The following DNM3 variants were observed in gnomAD, a reference collection of about 807,000 sequenced individuals.
The protein encoded by DNM3 is dynamin 3.
A neutral mutation model predicts 101.6 loss-of-function variants in DNM3; 47 were observed. That is an observed-to-expected ratio of 0.46 (90% CI 0.37 to 0.59). The LOEUF is 0.59. Ranked by LOEUF, DNM3 falls within the 20% of genes least tolerant of loss-of-function variation. The pLI is 0.00. For synonymous variants in DNM3, 385 were observed against 387.9 expected (o/e 0.99, Z 0.09); for missense variants, 849 against 1,085.7 (o/e 0.78, Z 3.06).
chr1:172,252,522 T>A (rs2062214057), intron 14 of DNM3, among the ~76,000 whole-genome samples: 1 of 152,138 alleles, frequency 6.6e-6, no homozygotes, highest in African/African-American at 2.4e-5. Flanking sequence ...TTATTAAAAG[T>A]TATGACTAAG....
intron 4 of DNM3, among the ~76,000 whole-genome samples, chr1:171,996,148 C>T (rs915615702): frequency 3.9e-5 from 6 of 152,004 alleles, no homozygotes; most frequent in African/African-American, 1.4e-4. Context: ...TAGAATGTCA[C>T]AAATTTGTGG....
intron 10 of DNM3, among the ~76,000 whole-genome samples, chr1:172,068,366 T>C (rs2051868919): frequency 1.3e-5 from 2 of 151,932 alleles, no homozygotes; most frequent in South Asian, 4.2e-4. Flanking sequence ...AGAAATGAGG[T>C]TAATAATTAT....
intron 14 of DNM3, among the ~76,000 whole-genome samples, chr1:172,242,582 A>G (rs1184915404): frequency 6.6e-6 from 1 of 152,156 alleles, no homozygotes; most frequent in Non-Finnish European, 1.5e-5. Context: ...ATCTGGAATC[A>G]TAGGCGCCAC....
intron 2 of DNM3, among the ~76,000 whole-genome samples, chr1:171,927,340 G>A (rs2040656851): frequency 1.3e-5 from 2 of 152,056 alleles, no homozygotes; most frequent in South Asian, 2.1e-4. Context: ...CATCATCCAG[G>A]TTTTAAGTCC....
chr1:172,214,503 A>G (rs2060624470), intron 14 of DNM3, among the ~76,000 whole-genome samples: 1 of 123,836 alleles, frequency 8.1e-6, no homozygotes, highest in East Asian at 2.1e-4. Flanking sequence ...ATATACACAT[A>G]CACACACCTC....
At chr1:171,872,508 A>T (rs1202347304) in intron 1 of DNM3, among the ~76,000 whole-genome samples, 2 of 152,182 alleles carry the variant, frequency 1.3e-5, no homozygotes, top group Non-Finnish European at 2.9e-5. Context: ...AGGAATGAAT[A>T]AGCTATTCTT....
intron 13 of DNM3, among the ~76,000 whole-genome samples, chr1:172,127,457 G>A (rs1010225824): frequency 6.6e-6 from 1 of 150,406 alleles, no homozygotes; most frequent in Non-Finnish European, 1.5e-5. Flanking sequence ...TGCCCAGGCG[G>A]GAGTACAGTG....
At chr1:172,394,807 T>C (rs1014570515) in intron 20 of DNM3, among the ~76,000 whole-genome samples, 10 of 152,112 alleles carry the variant, frequency 6.6e-5, no homozygotes, top group Non-Finnish European at 1.3e-4. Flanking sequence ...CAGTAGCAAA[T>C]TGTCACCAGT....
chr1:172,094,395 T>C (rs2054110793), intron 13 of DNM3, among the ~76,000 whole-genome samples: 1 of 152,194 alleles, frequency 6.6e-6, no homozygotes, highest in African/African-American at 2.4e-5. Context: ...AGGCTTATTC[T>C]TCCAACTATG....
intron 17 of DNM3, among the ~76,000 whole-genome samples, chr1:172,364,109 T>A (rs1193641590): frequency 1.3e-5 from 2 of 151,962 alleles, no homozygotes; most frequent in South Asian, 2.1e-4. Context: ...AGGGTAAACT[T>A]CTTAGGTGCA....
At chr1:172,281,964 C>T (rs754203406) in intron 15 of DNM3, among the ~76,000 whole-genome samples, 1 of 152,106 alleles carries the variant, frequency 6.6e-6, no homozygotes, top group Non-Finnish European at 1.5e-5. Context: ...AATTTTTGGT[C>T]CTCCCAATTC....
At chr1:171,915,807 A>G (rs190420560) in intron 1 of DNM3, among the ~76,000 whole-genome samples, 1 of 152,226 alleles carries the variant, frequency 6.6e-6, no homozygotes, top group East Asian at 1.9e-4. Context: ...GGTTAATGTG[A>G]TTTTGAGTTC....
intron 15 of DNM3, among the ~76,000 whole-genome samples, chr1:172,293,549 C>A (rs1399784460): frequency 1.3e-5 from 2 of 152,146 alleles, no homozygotes; most frequent in African/African-American, 4.8e-5. Flanking sequence ...GTACAAATTG[C>A]TGTGGGTTAT....
chr1:172,253,680 A>G lies in DNM3; in HGVS notation c.1767A>G (p.Gln589=). 1 of 1,553,328 alleles carries G rather than the reference A, an allele frequency of 6.4e-7. No individual in the cohort carries two copies. The highest frequency in any genetic ancestry group is 1.2e-5 in the South Asian group (1 of 81,368). The change falls in exon 15 of 21, where the codon CAA becomes CAG. Residue 589 remains glutamine (Q), a splice_region_variant and synonymous_variant. Coordinates refer to ENST00000627582, the MANE Select transcript of DNM3 (RefSeq NM_015569.5). Reference sequence around the variant, plus strand: ...TCTTTGCACTCTTTAATACAGAGCAAAGGTAAGAAATTGAAACAGTTCCTG... The same window carrying G: ...TCTTTGCACTCTTTAATACAGAGCAGAGGTAAGAAATTGAAACAGTTCCTG... The part of the protein sequence containing the change: ...KHIFALFNTE[Q]RNVYKDYRFL...
chr1:172,194,823 A>C (rs1032533405), intron 14 of DNM3, among the ~76,000 whole-genome samples: 4 of 152,068 alleles, frequency 2.6e-5, no homozygotes, highest in Non-Finnish European at 4.4e-5. Flanking sequence ...CCAATTTGCC[A>C]GTCTTTGTCT....
chr1:172,244,046 T>G (rs1279413859), intron 14 of DNM3, among the ~76,000 whole-genome samples: 2 of 152,062 alleles, frequency 1.3e-5, no homozygotes, highest in Non-Finnish European at 2.9e-5. Flanking sequence ...CCCCAGAGTG[T>G]GATATTCCCC....
At chr1:171,868,263 G>A (rs991236551) in intron 1 of DNM3, among the ~76,000 whole-genome samples, 2 of 151,912 alleles carry the variant, frequency 1.3e-5, no homozygotes, top group Admixed American at 1.3e-4. Context: ...AATCAGTTTG[G>A]GAATTCCTTG....
At chr1:172,192,102 G>T (rs557829163) in intron 14 of DNM3, among the ~76,000 whole-genome samples, 1 of 152,166 alleles carries the variant, frequency 6.6e-6, no homozygotes, top group Admixed American at 6.5e-5. Context: ...TCCAGTTTTT[G>T]CCCACTCAGT....
chr1:172,129,454 C>T (rs2056817983), intron 13 of DNM3, among the ~76,000 whole-genome samples: 1 of 152,116 alleles, frequency 6.6e-6, no homozygotes, highest in South Asian at 2.1e-4. Flanking sequence ...CTGTATTAGT[C>T]TGTCTTCATG....
Sources: allele counts gnomAD v4.1 joint callset (sites outside exome capture counted in the v4.1 genomes callset), GRCh38; gene constraint gnomAD v4.1.1; transcripts MANE v1.5; gene names NCBI Gene and HGNC (gene_info 2026-07-23, HGNC 2026-07-21).